SLC4A7: variants seen among roughly 807,000 people sequenced by gnomAD.
SLC4A7 encodes sodium bicarbonate cotransporter 3.
A neutral mutation model predicts 137.6 loss-of-function variants in SLC4A7; 51 were observed. The ratio of observed to expected loss-of-function variants is 0.37; its 90% CI spans 0.30 to 0.47. The LOEUF is 0.47. Among genes scored for constraint, SLC4A7 ranks in the 20% least tolerant of loss-of-function variants. The probability of loss-of-function intolerance (pLI) is 1.00; values close to 1 mark genes in which losing one functional copy is unlikely to be tolerated. For synonymous variants in SLC4A7, 542 were observed against 518.6 expected (o/e 1.05, Z -0.61); for missense variants, 1,247 against 1,525.4 (o/e 0.82, Z 3.04).
intron 3 of SLC4A7, among the ~76,000 whole-genome samples, chr3:27,440,244 C>T (rs186332067): frequency 9.1e-4 from 139 of 152,182 alleles, no homozygotes; most frequent in African/African-American, 3.3e-3. Context: ...AATCAAATTC[C>T]CTTACTTTTT....
chr3:27,436,605 C>A, intron 4 of SLC4A7, 57 bp from the exon 5 acceptor site: 13 of 1,005,552 alleles, frequency 1.3e-5, no homozygotes, highest in South Asian at 2.1e-5. Flanking sequence ...ATTTGTTTAT[C>A]TTAATGTGAT....
At chr3:27,436,611 G>T in intron 4 of SLC4A7, 63 bp from the exon 5 acceptor site, 5 of 959,774 alleles carry the variant, frequency 5.2e-6, no homozygotes, top group Non-Finnish European at 7.5e-6. Context: ...TTATCTTAAT[G>T]TGATAAAGAA....
intron 1 of SLC4A7, among the ~76,000 whole-genome samples, chr3:27,466,307 C>T (rs1314142470): frequency 1.3e-5 from 2 of 151,768 alleles, no homozygotes; most frequent in African/African-American, 4.8e-5. Flanking sequence ...AAAAATTAGC[C>T]GGGCGAGGTG....
chr3:27,388,266 ATTTTAG>A (rs2051173951), intron 22 of SLC4A7, among the ~76,000 whole-genome samples: 1 of 152,192 alleles, frequency 6.6e-6, no homozygotes, highest in Non-Finnish European at 1.5e-5. Flanking sequence ...ACTTGCTAAT[ATTTTAG>A]TTTAAGGTTT....
intron 1 of SLC4A7, among the ~76,000 whole-genome samples, chr3:27,468,046 C>T (rs949714208): frequency 6.6e-6 from 1 of 152,130 alleles, no homozygotes; most frequent in African/African-American, 2.4e-5. Flanking sequence ...GCCTCAGCCT[C>T]CCAAGTAGCT....
chr3:27,404,216 C>G (rs531635906), intron 14 of SLC4A7, among the ~76,000 whole-genome samples: 1 of 152,052 alleles, frequency 6.6e-6, no homozygotes, highest in Non-Finnish European at 1.5e-5. Flanking sequence ...GAAAATAAAA[C>G]AATTAGCCAG....
At chr3:27,377,015 T>C (rs1369790985) in intron 25 of SLC4A7, among the ~76,000 whole-genome samples, 170 bp from the exon 26 acceptor site, 1 of 152,112 alleles carries the variant, frequency 6.6e-6, no homozygotes, top group Non-Finnish European at 1.5e-5. Context: ...GAAAAGCAAA[T>C]ATTAAAAATT....
intron 13 of SLC4A7, among the ~76,000 whole-genome samples, chr3:27,407,707 C>G (rs116072713): frequency 6.6e-6 from 1 of 152,260 alleles, no homozygotes; most frequent in Non-Finnish European, 1.5e-5. Context: ...CATTCTGATT[C>G]CTCTTCTAGG....
chr3:27,480,156 T>G (rs7616553), intron 1 of SLC4A7, among the ~76,000 whole-genome samples: 1 of 152,188 alleles, frequency 6.6e-6, no homozygotes, highest in Non-Finnish European at 1.5e-5. Flanking sequence ...TCTAAGCTCT[T>G]AGAAGAAAAC....
At chr3:27,476,894 C>T (rs902146578) in intron 1 of SLC4A7, among the ~76,000 whole-genome samples, 2 of 152,068 alleles carry the variant, frequency 1.3e-5, no homozygotes, top group Non-Finnish European at 2.9e-5. Context: ...ATCCATTGAA[C>T]AAATATATTT....
chr3:27,459,360 G>T lies in SLC4A7; in HGVS notation c.61-6862C>A, dbSNP rs554046364. The stretch of plus-strand genomic sequence containing the variant: ...TTCCAATAAAATTTTAAAAATCAAG[G>T]TTTATAGGTGAAATGGTGAAGTTAG... On this transcript the variant is annotated intron_variant, in intron 1 of 25. Transcript: ENST00000454389. Among the ~76,000 whole-genome samples the T allele has an allele frequency of 7.2e-5, 11 of 152,084 alleles. No individual in the cohort carries two copies. In the South Asian group the frequency reaches 2.1e-3, roughly 29 times the overall value.
intron 3 of SLC4A7, 35 bp downstream of exon 3, chr3:27,448,616 C>G (rs552455353): frequency 6.4e-7 from 1 of 1,569,912 alleles, no homozygotes; most frequent in South Asian, 1.2e-5. Context: ...AAAATAGGAA[C>G]TTTAAACTGC....
At chr3:27,384,324 C>T (rs4973770) in intron 23 of SLC4A7, among the ~76,000 whole-genome samples, 32,480 of 152,090 alleles carry the variant, frequency 0.21, 3,552 homozygotes, top group Non-Finnish European at 0.25. Flanking sequence ...ATTTTGCCTT[C>T]TATCCCTTCC....
chr3:27,396,665 T>C (rs1431769120), intron 18 of SLC4A7, among the ~76,000 whole-genome samples: 3 of 152,086 alleles, frequency 2.0e-5, no homozygotes, highest in South Asian at 4.1e-4. Flanking sequence ...TAAAATAAAA[T>C]GATCTTCATT....
chr3:27,403,417 C>T, intron 14 of SLC4A7, 33 bp from the exon 15 acceptor site: 1 of 1,482,612 alleles, frequency 6.7e-7, no homozygotes, highest in Middle Eastern at 2.1e-4. Flanking sequence ...ATATGATAAA[C>T]ATATGTGGAA....
At chr3:27,442,732 G>T (rs1049341821) in intron 3 of SLC4A7, among the ~76,000 whole-genome samples, 1 of 152,100 alleles carries the variant, frequency 6.6e-6, no homozygotes, top group Non-Finnish European at 1.5e-5. Flanking sequence ...GATTAGGCAC[G>T]CGGACACTTT....
chr3:27,442,975 C>T (rs1389192114), intron 3 of SLC4A7, among the ~76,000 whole-genome samples: 1 of 150,484 alleles, frequency 6.6e-6, no homozygotes, highest in African/African-American at 2.4e-5. Context: ...ACTTGGCTGT[C>T]TCACTAGGGT....
chr3:27,451,147 A>AC (rs1235462911), intron 2 of SLC4A7, among the ~76,000 whole-genome samples: 1 of 152,056 alleles, frequency 6.6e-6, no homozygotes, highest in African/African-American at 2.4e-5. Context: ...AGTTAAAAAA[A>AC]AAAATCGTTT....
At chr3:27,465,739 CA>C (rs1281173583) in intron 1 of SLC4A7, among the ~76,000 whole-genome samples, 1 of 151,716 alleles carries the variant, frequency 6.6e-6, no homozygotes, top group Non-Finnish European at 1.5e-5. Context: ...GCGGACGAAT[CA>C]CGAGATCAGG....
Sources: allele counts gnomAD v4.1 joint callset (sites outside exome capture counted in the v4.1 genomes callset), GRCh38; gene constraint gnomAD v4.1.1; transcripts MANE v1.5; gene names NCBI Gene and HGNC (gene_info 2026-07-23, HGNC 2026-07-21).